Variants in PDE6D observed in about 807,000 individuals in gnomAD.
PDE6D encodes phosphodiesterase 6D.
Under a neutral mutation model 21.9 loss-of-function variants are expected in PDE6D, and 10 were observed. The observed-to-expected ratio is 0.46, with a 90% confidence interval of 0.28 to 0.78. The LOEUF is 0.78. Ranked by LOEUF, PDE6D falls within the 30% of genes least tolerant of loss-of-function variation. The pLI, the probability that PDE6D is intolerant of heterozygous loss-of-function variation, is 0.12. For synonymous variants in PDE6D, 59 were observed against 63.5 expected, an observed-to-expected ratio of 0.93 and a Z score of 0.34; for missense variants, 139 against 184.8, an observed-to-expected ratio of 0.75 and a Z score of 1.44.
chr2:231,734,466 C>T (rs555486825), intron 4 of PDE6D, among the ~76,000 whole-genome samples: 2 of 147,824 alleles, frequency 1.4e-5, no homozygotes, highest in Admixed American at 1.3e-4. Context: ...AAAAAAAAAA[C>T]CCCTGCTTTC....
chr2:231,736,246 A>T (rs938340207), intron 4 of PDE6D, among the ~76,000 whole-genome samples: 1 of 152,182 alleles, frequency 6.6e-6, no homozygotes, highest in Admixed American at 6.5e-5. Context: ...ATTTTTAACA[A>T]ATTCAATATG....
At chr2:231,755,933 T>A (rs564123436) in intron 1 of PDE6D, among the ~76,000 whole-genome samples, 6 of 146,542 alleles carry the variant, frequency 4.1e-5, no homozygotes, top group Non-Finnish European at 6.1e-5. Flanking sequence ...AAAAAAAAAA[T>A]TATATATATA....
At chr2:231,757,366 C>T (rs912821276) in intron 1 of PDE6D, among the ~76,000 whole-genome samples, 5 of 152,164 alleles carry the variant, frequency 3.3e-5, no homozygotes, top group Non-Finnish European at 5.9e-5. Context: ...GGCACGATCT[C>T]GGCTCACTGC....
intron 1 of PDE6D, among the ~76,000 whole-genome samples, chr2:231,761,095 G>C (rs998239246): frequency 4.6e-5 from 7 of 152,126 alleles, no homozygotes; most frequent in African/African-American, 1.7e-4. Context: ...TCTCTCTTCT[G>C]AGACCATTTC....
chr2:231,772,720 G>A (rs1367175876), intron 1 of PDE6D, among the ~76,000 whole-genome samples: 1 of 152,116 alleles, frequency 6.6e-6, no homozygotes, highest in African/African-American at 2.4e-5. Flanking sequence ...CCAAGCCTCA[G>A]AACCATTGCT....
intron 1 of PDE6D, chr2:231,778,817 A>T (rs979753431): frequency 4.6e-5 from 7 of 152,238 alleles, no homozygotes; most frequent in African/African-American, 1.4e-4. Flanking sequence ...AATTAAAACA[A>T]TGTATCATTT....
chr2:231,768,272 C>T (rs193024332), intron 1 of PDE6D, among the ~76,000 whole-genome samples: 164 of 152,272 alleles, frequency 1.1e-3, no homozygotes, highest in African/African-American at 3.6e-3. Context: ...CTCATCCTTC[C>T]TCATTCCTGA....
At chr2:231,761,724 T>C (rs2048931495) in intron 1 of PDE6D, among the ~76,000 whole-genome samples, 1 of 152,230 alleles carries the variant, frequency 6.6e-6, no homozygotes, top group Non-Finnish European at 1.5e-5. Flanking sequence ...GTACCTACTT[T>C]CAACATATAT....
At chr2:231,751,890 C>T (rs1249157382) in intron 1 of PDE6D, among the ~76,000 whole-genome samples, 6 of 152,164 alleles carry the variant, frequency 3.9e-5, no homozygotes, top group African/African-American at 1.4e-4. Context: ...ACACTGTCCC[C>T]TTTGGAAGGG....
intron 1 of PDE6D, among the ~76,000 whole-genome samples, chr2:231,757,673 C>G (rs2048893841): frequency 6.6e-6 from 1 of 152,096 alleles, no homozygotes; most frequent in Non-Finnish European, 1.5e-5. Context: ...TCAGGATTCA[C>G]TTTAAACAAT....
Position 231,742,494 on chromosome 2 carries a change from T to C in PDE6D, c.51-3306A>G, listed in dbSNP as rs571077864. Among the ~76,000 whole-genome samples the C allele has an allele frequency of 3.3e-5, 5 of 152,328 alleles. No individual in the cohort carries two copies. The South Asian group carries it at 1.0e-3, about 32-fold the overall frequency. On this transcript the variant is annotated intron_variant, in intron 1 of 4. Coordinates refer to ENST00000287600, the MANE Select transcript of PDE6D (RefSeq NM_002601.4). ...AAGACTAACTTTAAGAAGAGAGTGC[T>C]AAGGTTTTTTTTGTTTTGTTTTAAA...
At chr2:231,756,951 G>A (rs1343509420) in intron 1 of PDE6D, among the ~76,000 whole-genome samples, 1 of 151,508 alleles carries the variant, frequency 6.6e-6, no homozygotes, top group Non-Finnish European at 1.5e-5. Flanking sequence ...ATCTAACCTC[G>A]CTTCCAGATA....
At chr2:231,761,507 T>C (rs1383004795) in intron 1 of PDE6D, among the ~76,000 whole-genome samples, 4 of 152,216 alleles carry the variant, frequency 2.6e-5, no homozygotes, top group African/African-American at 9.6e-5. Context: ...CTGTGGTTCA[T>C]TATCAATGCA....
chr2:231,755,407 A>C (rs2048875219), intron 1 of PDE6D, among the ~76,000 whole-genome samples: 1 of 152,222 alleles, frequency 6.6e-6, no homozygotes, highest in African/African-American at 2.4e-5. Flanking sequence ...TTCTGATTTC[A>C]GTCATAGGCT....
chr2:231,742,816 CAAG>C (rs950088321), intron 1 of PDE6D, among the ~76,000 whole-genome samples: 1 of 152,154 alleles, frequency 6.6e-6, no homozygotes, highest in Non-Finnish European at 1.5e-5. Flanking sequence ...GGGGTGAGCA[CAAG>C]AAGGCCTAGC....
chr2:231,751,536 T>C (rs1217126550), intron 1 of PDE6D, among the ~76,000 whole-genome samples: 1 of 152,214 alleles, frequency 6.6e-6, no homozygotes, highest in Non-Finnish European at 1.5e-5. Context: ...ACATCTTACA[T>C]TTGTCACAAC....
intron 4 of PDE6D, among the ~76,000 whole-genome samples, chr2:231,733,463 G>C (rs2048668501): frequency 6.6e-6 from 1 of 152,148 alleles, no homozygotes; most frequent in South Asian, 2.1e-4. Context: ...CTTTGGCCTG[G>C]CCCACATCTA....
At chr2:231,764,132 A>C (rs2106280994) in intron 1 of PDE6D, among the ~76,000 whole-genome samples, 1 of 152,178 alleles carries the variant, frequency 6.6e-6, no homozygotes, top group South Asian at 2.1e-4. Context: ...TTCAATAAAA[A>C]ATCTTGCCAG....
At chr2:231,753,258 T>G (rs1233435920) in intron 1 of PDE6D, among the ~76,000 whole-genome samples, 1 of 146,732 alleles carries the variant, frequency 6.8e-6, no homozygotes, top group African/African-American at 2.5e-5. Context: ...GAGCGGTGGC[T>G]CACGCCTGTA....
Sources: allele counts gnomAD v4.1 joint callset (sites outside exome capture counted in the v4.1 genomes callset), GRCh38; gene constraint gnomAD v4.1.1; transcripts MANE v1.5; gene names NCBI Gene and HGNC (gene_info 2026-07-23, HGNC 2026-07-21).